The following DAB1 variants were observed in gnomAD, a reference collection of about 807,000 sequenced individuals.
The protein encoded by DAB1 is disabled homolog 1.
DAB1 carries 15 observed loss-of-function variants against 64.6 expected under a neutral mutation model. The ratio of observed to expected loss-of-function variants is 0.23; its 90% confidence interval spans 0.16 to 0.36. The LOEUF (loss-of-function observed/expected upper bound fraction) is 0.36, where lower values mean the gene tolerates loss of function less well. DAB1 is among the 10% of genes least tolerant of loss of function. DAB1 has a pLI of 1.00. For synonymous variants in DAB1, 235 were observed against 251.9 expected, an observed-to-expected ratio of 0.93 and a Z score of 0.64; for missense variants, 596 against 706.7, an observed-to-expected ratio of 0.84 and a Z score of 1.78.
intron 7 of DAB1, among the ~76,000 whole-genome samples, chr1:57,562,023 T>A (rs1645058530): frequency 6.6e-6 from 1 of 152,256 alleles, no homozygotes; most frequent in African/African-American, 2.4e-5. Flanking sequence ...CCTTATCCAC[T>A]GTCATGGTAT....
intron 3 of DAB1, among the ~76,000 whole-genome samples, chr1:58,493,483 G>A (rs2100384264): frequency 6.6e-6 from 1 of 151,720 alleles, no homozygotes; most frequent in African/African-American, 2.4e-5. Flanking sequence ...AATTGTCCCT[G>A]TTTGCAGATG....
chr1:57,796,771 T>G (rs1650894495), intron 6 of DAB1, among the ~76,000 whole-genome samples: 1 of 152,092 alleles, frequency 6.6e-6, no homozygotes, highest in South Asian at 2.1e-4. Context: ...CCTCTCCCTG[T>G]GGCTGGAATG....
Position 57,429,579 on chromosome 1 carries a change from G to A in DAB1, n.626-138413C>T, listed in dbSNP as rs570652759. ...AATCATTGTGAAGACCAATGCCAAG[G>A]AGCTTTTCCTCTGTGTTTTCTTTTA... On this transcript the variant is annotated intron_variant and non_coding_transcript_variant, in intron 7 of 20. Transcript: ENST00000485760. Among the ~76,000 whole-genome samples the A allele has an allele frequency of 2.0e-5, 3 of 152,254 alleles. No individual in the cohort carries two copies. In the East Asian group the frequency reaches 5.8e-4, roughly 29 times the overall value.
At chr1:58,028,701 G>A (rs1646930392) in intron 5 of DAB1, among the ~76,000 whole-genome samples, 1 of 152,178 alleles carries the variant, frequency 6.6e-6, no homozygotes, top group African/African-American at 2.4e-5. Context: ...GACCATAAAA[G>A]CACTATGAGT....
chr1:57,151,216 T>G (rs2100844520), intron 2 of DAB1, among the ~76,000 whole-genome samples: 1 of 152,226 alleles, frequency 6.6e-6, no homozygotes, highest in Middle Eastern at 3.4e-3. Flanking sequence ...GTTGTGAGGA[T>G]TAGATTAAAA....
At chr1:57,427,703 T>C (rs1685342239), upstream of DAB1, among the ~76,000 whole-genome samples, 1 of 152,240 alleles carries the variant, frequency 6.6e-6, no homozygotes, top group African/African-American at 2.4e-5. Context: ...TGTAGCTTTA[T>C]TGAAGTATAA....
At chr1:57,841,212 CT>C (rs1653033566) in intron 1 of DAB1, among the ~76,000 whole-genome samples, 1 of 152,242 alleles carries the variant, frequency 6.6e-6, no homozygotes, top group Admixed American at 6.5e-5. Context: ...CCAAGACACA[CT>C]GATGCAAGAA....
intron 7 of DAB1, among the ~76,000 whole-genome samples, chr1:57,501,653 T>C (rs908569551): frequency 2.0e-5 from 3 of 152,210 alleles, no homozygotes; most frequent in Non-Finnish European, 2.9e-5. Flanking sequence ...CATGAGAATG[T>C]GCTTTTGTTA....
intron 5 of DAB1, among the ~76,000 whole-genome samples, chr1:57,989,984 A>G (rs1201221709): frequency 6.6e-6 from 1 of 152,196 alleles, no homozygotes; most frequent in Admixed American, 6.5e-5. Flanking sequence ...CCATTTCTCC[A>G]TGATGTGTCA....
At chr1:57,781,757 C>T (rs1200785944) in intron 6 of DAB1, among the ~76,000 whole-genome samples, 1 of 148,662 alleles carries the variant, frequency 6.7e-6, no homozygotes, top group Non-Finnish European at 1.5e-5. Context: ...TAATTTGGTG[C>T]TGATTAAATT....
At chr1:57,711,993 AT>A (rs1369255042) in intron 6 of DAB1, among the ~76,000 whole-genome samples, 4 of 151,952 alleles carry the variant, frequency 2.6e-5, no homozygotes, top group African/African-American at 7.3e-5. Flanking sequence ...CTTTTATATT[AT>A]TTTTTTCTAT....
intron 11 of DAB1, among the ~76,000 whole-genome samples, chr1:57,016,069 T>C (rs575028926): frequency 2.6e-5 from 4 of 152,322 alleles, no homozygotes; most frequent in African/African-American, 7.2e-5. Flanking sequence ...TGGGTTGATT[T>C]GAAGATTAAT....
chr1:57,370,712 T>A (rs1680428944), intron 1 of DAB1, among the ~76,000 whole-genome samples: 1 of 152,172 alleles, frequency 6.6e-6, no homozygotes, highest in Non-Finnish European at 1.5e-5. Flanking sequence ...AGGGCAAATT[T>A]AGCATAGTTT....
At chr1:58,048,893 A>C (rs1038315040) in intron 5 of DAB1, 171 of 916,728 alleles carry the variant, frequency 1.9e-4, no homozygotes, top group Non-Finnish European at 2.8e-4. Context: ...TCATGATTTC[A>C]ATCACTTCCA....
At chr1:58,508,551 A>G (rs947631277) in intron 2 of DAB1, among the ~76,000 whole-genome samples, 10 of 152,160 alleles carry the variant, frequency 6.6e-5, no homozygotes, top group Non-Finnish European at 1.3e-4. Context: ...CCCCCAATAC[A>G]GCACCATATG....
chr1:57,523,178 C>T (rs905763602), intron 7 of DAB1, among the ~76,000 whole-genome samples: 3 of 152,188 alleles, frequency 2.0e-5, no homozygotes, highest in Non-Finnish European at 4.4e-5. Flanking sequence ...ACGAATACAC[C>T]CCCCTTCCCT....
chr1:58,351,855 T>G (rs1324568981), intron 3 of DAB1, among the ~76,000 whole-genome samples: 1 of 145,630 alleles, frequency 6.9e-6, no homozygotes, highest in African/African-American at 2.6e-5. Flanking sequence ...AGAAGCCTGT[T>G]GAGCCATACT....
intron 6 of DAB1, among the ~76,000 whole-genome samples, chr1:57,674,391 A>T (rs943045121): frequency 1.1e-4 from 16 of 152,190 alleles, no homozygotes; most frequent in African/African-American, 3.6e-4. Flanking sequence ...AATTACTGGA[A>T]GACTCTTTTT....
chr1:58,430,842 T>C (rs1644863159), intron 3 of DAB1, among the ~76,000 whole-genome samples: 1 of 152,184 alleles, frequency 6.6e-6, no homozygotes, highest in Non-Finnish European at 1.5e-5. Context: ...ACCAAGTACT[T>C]AGCTAAACCT....
Sources: allele counts gnomAD v4.1 joint callset (sites outside exome capture counted in the v4.1 genomes callset), GRCh38; gene constraint gnomAD v4.1.1; transcripts MANE v1.5; gene names NCBI Gene and HGNC (gene_info 2026-07-23, HGNC 2026-07-21).